The following ATE1 variants were observed in gnomAD, a reference collection of about 807,000 sequenced individuals.
The protein encoded by ATE1 is arginyl-tRNA--protein transferase 1.
In ATE1, 36 loss-of-function variants were observed where a neutral mutation model predicts 70.5. The observed-to-expected ratio is 0.51, with a 90% CI of 0.39 to 0.67. The LOEUF is 0.67. ATE1 is among the 30% of genes least tolerant of loss of function. The pLI, the probability that ATE1 is intolerant of heterozygous loss-of-function variation, is 0.00. For synonymous variants in ATE1, 232 were observed against 219.3 expected (o/e 1.06, Z -0.51); for missense variants, 593 against 629.5 (o/e 0.94, Z 0.62).
intron 7 of ATE1, among the ~76,000 whole-genome samples, chr10:121,871,213 C>T (rs944895236): frequency 6.6e-6 from 1 of 152,028 alleles, no homozygotes; most frequent in Admixed American, 6.5e-5. Flanking sequence ...CCAGCACTTT[C>T]GGAGGCCGAG....
intron 5 of ATE1, among the ~76,000 whole-genome samples, chr10:121,905,295 C>T (rs61874414): frequency 6.6e-6 from 1 of 151,958 alleles, no homozygotes; most frequent in Non-Finnish European, 1.5e-5. Flanking sequence ...AATGTTTTAC[C>T]TATATAAACA....
chr10:121,791,063 TGTGTG>T (rs2133282470), intron 10 of ATE1, among the ~76,000 whole-genome samples: 1 of 77,660 alleles, frequency 1.3e-5, no homozygotes, highest in African/African-American at 6.1e-5. Context: ...TACGTGTGTG[TGTGTG>T]TGTGTGTGTG....
intron 7 of ATE1, among the ~76,000 whole-genome samples, chr10:121,873,662 T>TGTCAAAAGACAAAAAA: frequency 6.6e-6 from 1 of 151,850 alleles, no homozygotes; most frequent in African/African-American, 2.4e-5. Context: ...CCTAGCAATT[T>TGTCAAAAGACAAAAAA]GGATGTAATG....
chr10:121,822,758 A>T (rs561734295), intron 10 of ATE1, among the ~76,000 whole-genome samples: 29 of 152,162 alleles, frequency 1.9e-4, no homozygotes, highest in African/African-American at 5.5e-4. Flanking sequence ...CCCAAAAAAA[A>T]TTTTTTTTAA....
intron 6 of ATE1, among the ~76,000 whole-genome samples, chr10:121,901,961 T>A (rs753517735): frequency 6.6e-6 from 1 of 152,224 alleles, no homozygotes; most frequent in Non-Finnish European, 1.5e-5. Flanking sequence ...CTTATGTATA[T>A]GACACCATTT....
chr10:121,744,178 T>C (rs942384398), intron 11 of ATE1, among the ~76,000 whole-genome samples: 3 of 152,060 alleles, frequency 2.0e-5, no homozygotes, highest in Non-Finnish European at 4.4e-5. Context: ...CGCCTCAGCC[T>C]CCCAAAGTTC....
chr10:121,775,896 T>C lies in ATE1; in HGVS notation c.1378+14273A>G, dbSNP rs188738099. 1.6e-3 allele frequency among the ~76,000 whole-genome samples: 246 copies of C among 152,312 alleles called. 1 individual carries two copies. The highest frequency in any genetic ancestry group is 5.6e-3 in the African/African-American group (234 of 41,568). The stretch of plus-strand genomic sequence containing the variant: ...TGCTATGAGATGTCTAGTTAGTAAT[T>C]TACATAGGTCCTTCCAGTGACAAGA... On this transcript the variant is annotated intron_variant, in intron 11 of 11. Transcript: ENST00000224652.
intron 10 of ATE1, among the ~76,000 whole-genome samples, chr10:121,814,709 C>A (rs1052580796): frequency 1.3e-5 from 2 of 152,238 alleles, no homozygotes; most frequent in Admixed American, 1.3e-4. Context: ...GATGGAGCAT[C>A]CTGGCGGGAT....
chr10:121,887,632 AGAGTTT>A (rs754547736), intron 7 of ATE1, among the ~76,000 whole-genome samples: 5 of 152,140 alleles, frequency 3.3e-5, no homozygotes, highest in Non-Finnish European at 7.4e-5. Flanking sequence ...CTTGAGTCCA[AGAGTTT>A]GAGGTTACAG....
At chr10:121,873,787 GC>G (rs1374815394) in intron 7 of ATE1, among the ~76,000 whole-genome samples, 2 of 151,634 alleles carry the variant, frequency 1.3e-5, no homozygotes, top group African/African-American at 4.8e-5. Flanking sequence ...CTCCTGAAAT[GC>G]CTTATTTGTT....
intron 11 of ATE1, among the ~76,000 whole-genome samples, chr10:121,767,815 T>A (rs1489468547): frequency 6.6e-6 from 1 of 152,186 alleles, no homozygotes; most frequent in African/African-American, 2.4e-5. Flanking sequence ...GCAGTTGCTA[T>A]GTTCTTTGGG....
intron 8 of ATE1, among the ~76,000 whole-genome samples, chr10:121,854,312 T>C (rs1165531251): frequency 6.6e-6 from 1 of 152,236 alleles, no homozygotes; most frequent in Admixed American, 6.5e-5. Flanking sequence ...AAATGTTCTT[T>C]GTACCAGTTT....
intron 11 of ATE1, among the ~76,000 whole-genome samples, chr10:121,781,298 G>C (rs891769742): frequency 2.6e-4 from 39 of 152,282 alleles, no homozygotes; most frequent in African/African-American, 9.4e-4. Context: ...GGCAAGGTCT[G>C]TCTCTCTTGC....
At chr10:121,797,546 T>C (rs1456469926) in intron 10 of ATE1, among the ~76,000 whole-genome samples, 1 of 148,556 alleles carries the variant, frequency 6.7e-6, no homozygotes, top group African/African-American at 2.5e-5. Flanking sequence ...CATTTAAAAA[T>C]AGAATATTTC....
chr10:121,789,794 C>T (rs1352508328), intron 11 of ATE1, among the ~76,000 whole-genome samples: 1 of 152,096 alleles, frequency 6.6e-6, no homozygotes, highest in Non-Finnish European at 1.5e-5. Context: ...TTTATTCGGT[C>T]CAGTTGGTCA....
chr10:121,833,024 T>TA (rs1385724729), intron 10 of ATE1, among the ~76,000 whole-genome samples: 3 of 152,152 alleles, frequency 2.0e-5, no homozygotes, highest in Admixed American at 6.5e-5. Flanking sequence ...CCCAACTAGG[T>TA]AGAGTCTATA....
At chr10:121,915,583 G>C (rs1385000474) in intron 3 of ATE1, among the ~76,000 whole-genome samples, 1 of 152,130 alleles carries the variant, frequency 6.6e-6, no homozygotes, top group Non-Finnish European at 1.5e-5. Context: ...ATGTAGAACA[G>C]AGGATAGAAA....
chr10:121,806,511 T>C (rs1947103571), intron 10 of ATE1, among the ~76,000 whole-genome samples: 2 of 151,836 alleles, frequency 1.3e-5, no homozygotes, highest in South Asian at 4.2e-4. Flanking sequence ...AAACCCAGGA[T>C]TGAGGGGGGG....
intron 7 of ATE1, among the ~76,000 whole-genome samples, chr10:121,871,121 T>A (rs182500436): frequency 6.6e-6 from 1 of 152,094 alleles, no homozygotes; most frequent in Non-Finnish European, 1.5e-5. Flanking sequence ...TTCATGATCA[T>A]TGGAGAAGTG....
Sources: allele counts gnomAD v4.1 joint callset (sites outside exome capture counted in the v4.1 genomes callset), GRCh38; gene constraint gnomAD v4.1.1; transcripts MANE v1.5; gene names NCBI Gene and HGNC (gene_info 2026-07-23, HGNC 2026-07-21).